DOT1L: variants seen among roughly 807,000 people sequenced by gnomAD.
DOT1L encodes the protein histone-lysine N-methyltransferase, H3 lysine-79 specific.
DOT1L carries 33 observed loss-of-function variants against 153.3 expected under a neutral mutation model. The observed-to-expected ratio is 0.22, with a 90% CI of 0.16 to 0.29. The LOEUF (loss-of-function observed/expected upper bound fraction) is 0.29, where lower values mean the gene tolerates loss of function less well. Among genes scored for constraint, DOT1L ranks in the 10% least tolerant of loss-of-function variants. The pLI is 1.00. For synonymous variants in DOT1L, 1,135 were observed against 965.1 expected (o/e 1.18, Z -3.26); for missense variants, 1,847 against 2,119.9 (o/e 0.87, Z 2.53).
chr19:2,211,221 G>A lies in DOT1L; in HGVS notation c.1465+9G>A, dbSNP rs759009372. The A allele has an allele frequency of 3.5e-5, 55 of 1,592,890 alleles. No homozygotes were observed. Among genetic ancestry groups the A allele is most frequent in the Admixed American group, 1.4e-4 (8 of 58,558 alleles). On this transcript the variant is annotated intron_variant, in intron 15 of 27. Transcript: ENST00000398665. ...GCTGCAGAAGCTTCTAGGTGAGCCCGTGTGAGGCGTCCGGCGAAGGGTTCT... is the reference window on the plus strand; with the variant it reads ...GCTGCAGAAGCTTCTAGGTGAGCCCATGTGAGGCGTCCGGCGAAGGGTTCT...
Position 2,222,007 on chromosome 19 carries a change from C to T in DOT1L, c.2838C>T (p.Ser946=), listed in dbSNP as rs774067551. ...GFSYAGSVAI[S]GALAGSPASL... ...CCTACGCTGGCTCGGTGGCCATCAG[C>T]GGGGCCTTGGCGGGCAGCCCGGCCT... The change falls in exon 24 of 28, where the codon AGC becomes AGT. Residue 946 remains serine (S), a synonymous_variant. Transcript: ENST00000398665. The surrounding 1 kb of genome is among the most constrained non-coding windows in gnomAD (Gnocchi z 6.5). 2.6e-5 allele frequency: 42 copies of T among 1,610,548 alleles called. No individual in the cohort carries two copies. Among genetic ancestry groups the T allele is most frequent in the African/African-American group, 6.7e-5 (5 of 74,890 alleles).
At chr19:2,227,371 C>T (rs1241583858) in intron 27 of DOT1L, 1 of 717,038 alleles carries the variant, frequency 1.4e-6, no homozygotes, top group Non-Finnish European at 2.6e-6. Flanking sequence ...AGAAGGCCAC[C>T]GTGCGCAGGG....
rs373400836 is a variant in DOT1L, at chr19:2,220,584, C to T, written c.2806+362C>T. 64 of 461,918 alleles carry T rather than the reference C, an allele frequency of 1.4e-4. No individual in the cohort carries two copies. In the East Asian group the frequency reaches 1.7e-3, roughly 13 times the overall value. The allele number at this position is 461,918 out of a possible 1,614,324, so 28.6% of individuals were successfully genotyped here. A position where few individuals can be genotyped will look rare whatever the true frequency, so the allele number is the denominator to read the frequency against. ...ACACACAGCAGTGCCCAATGGCACA[C>T]GACCGTGGGCCTCCGTGCTGGTAGC... is the stretch of plus-strand genomic sequence containing the variant. On this transcript the variant is annotated intron_variant, in intron 23 of 27. Coordinates refer to ENST00000398665, the MANE Select transcript of DOT1L (RefSeq NM_032482.3). This position sits in a 1 kb window ranked among gnomAD's most constrained non-coding sequence, Gnocchi z 4.5.
chr19:2,193,639 G>A lies in DOT1L; in HGVS notation c.494-50G>A, dbSNP rs750922949. ...GTCTCCGAGCCTAGCACGGCCTCCC[G>A]GGTGGCATCTGAGCGCTGTGTGGTA... On this transcript the variant is annotated intron_variant, in intron 5 of 27. Coordinates refer to ENST00000398665, the MANE Select transcript of DOT1L (RefSeq NM_032482.3). This position sits in a 1 kb window ranked among gnomAD's most constrained non-coding sequence, Gnocchi z 5.9. The A allele has an allele frequency of 3.8e-6, 6 of 1,582,610 alleles. No individual in the cohort carries two copies. The highest frequency in any genetic ancestry group is 1.1e-5 in the South Asian group (1 of 89,912).
At chr19:2,214,731 C>T in intron 19 of DOT1L, 135 bp downstream of exon 19, 2 of 1,320,840 alleles carry the variant, frequency 1.5e-6, no homozygotes. Flanking sequence ...TGGGTGGAGG[C>T]TTATGGAACC....
intron 22 of DOT1L, among the ~76,000 whole-genome samples, chr19:2,218,916 G>A (rs914415304): frequency 5.3e-5 from 8 of 151,876 alleles, no homozygotes; most frequent in African/African-American, 1.7e-4. Context: ...CAGGCTGGAG[G>A]GCAGTGGCAC....
At position 2,210,741 on chromosome 19, in the gene DOT1L, C is replaced by T. The variant is rs2144832287; in HGVS notation, c.1237C>T (p.Arg413Cys). The T allele has an allele frequency of 1.2e-6, 2 of 1,613,114 alleles. No individual in the cohort carries two copies. Among genetic ancestry groups the T allele is most frequent in the Non-Finnish European group, 1.7e-6 (2 of 1,180,002 alleles). ...GRKMAGRKRG[R>C]PKKMNTANPE... Reference sequence around the variant, plus strand: ...GAAGATGGCTGGCCGCAAGCGCGGGCGCCCCAAGAAGATGAACACTGCGAA... The same window carrying T: ...GAAGATGGCTGGCCGCAAGCGCGGGTGCCCCAAGAAGATGAACACTGCGAA... Residue 413 changes from arginine (R) to cysteine (C), a missense_variant, in exon 14 of 28, where the codon CGC becomes TGC. Arg to Cys is a radical substitution (Grantham distance 180). This residue lies in a region of DOT1L where 205 missense variants were observed against 203.1 expected (regional missense o/e 1.01). Transcript: ENST00000398665.
At chr19:2,221,937 A>G (rs753103600) in intron 23 of DOT1L, 39 bp from the exon 24 acceptor site, 1 of 1,544,606 alleles carries the variant, frequency 6.5e-7, no homozygotes, top group African/African-American at 1.4e-5. Context: ...CTCTTTGGCC[A>G]TCCTGTGTCC....
At chr19:2,180,481 C>T (rs942683968) in intron 1 of DOT1L, among the ~76,000 whole-genome samples, 3 of 152,240 alleles carry the variant, frequency 2.0e-5, no homozygotes, top group East Asian at 1.9e-4. Context: ...TGCTCGCTGC[C>T]TGTAGTAGGA....
intron 7 of DOT1L, among the ~76,000 whole-genome samples, chr19:2,199,204 G>A (rs908565670): frequency 6.6e-6 from 1 of 152,260 alleles, no homozygotes; most frequent in Non-Finnish European, 1.5e-5. Flanking sequence ...GAGGTGGACT[G>A]GCGTCGGGCT....
Position 2,192,965 on chromosome 19 carries a change from G to A in DOT1L, c.494-724G>A, listed in dbSNP as rs189288605. ...CTTCTCTTCCCACTGGTGTGGTGGC[G>A]GCGGTCTGTGCCCATTGTGGTCGCT... On this transcript the variant is annotated intron_variant, in intron 5 of 27. Coordinates refer to ENST00000398665, the MANE Select transcript of DOT1L (RefSeq NM_032482.3). Among the ~76,000 whole-genome samples, 18 of 152,328 alleles carry A rather than the reference G, an allele frequency of 1.2e-4. No individual in the cohort carries two copies. The East Asian group carries it at 2.7e-3, about 23-fold the overall frequency.
rs1022387534 is a variant in DOT1L at position 2,232,575 on chromosome 19, C to T, written c.*2783C>T. On this transcript the variant is annotated 3_prime_UTR_variant, in exon 28 of 28. Coordinates refer to ENST00000398665, the MANE Select transcript of DOT1L (RefSeq NM_032482.3). Reference sequence around the variant, plus strand: ...CTGTAATAAACAGACTGTTTTCACTCGGACCTGGTGTGAATGGCAGCCTTT... The same window carrying T: ...CTGTAATAAACAGACTGTTTTCACTTGGACCTGGTGTGAATGGCAGCCTTT... The T allele has an allele frequency of 1.2e-4, 24 of 202,220 alleles. No homozygotes were observed. In the East Asian group the frequency reaches 1.4e-3, roughly 11 times the overall value. 12.5% of individuals were successfully genotyped at this position (202,220 alleles called of 1,614,324 possible).
chr19:2,177,335 C>T (rs755867415), intron 1 of DOT1L, among the ~76,000 whole-genome samples: 15 of 151,936 alleles, frequency 9.9e-5, no homozygotes, highest in Non-Finnish European at 1.6e-4. Context: ...TTGCTCTTGT[C>T]GCCCAGGCTG....
At chr19:2,223,204 C>T in intron 24 of DOT1L, 77 bp from the exon 25 acceptor site, 7 of 1,537,852 alleles carry the variant, frequency 4.6e-6, no homozygotes, top group Non-Finnish European at 6.2e-6. Flanking sequence ...ACAGGAGCCT[C>T]CTGGGGCGGG....
Position 2,220,292 on chromosome 19 carries a change from G to T in DOT1L, c.2806+70G>T, listed in dbSNP as rs1330295234. ...GCTGCTCTTCAGGCAGGAGGGCTGG[G>T]TTGCTGGGAGTGGAACAGGGCTTCC... On this transcript the variant is annotated intron_variant, in intron 23 of 27. Transcript: ENST00000398665. This position sits in a 1 kb window ranked among gnomAD's most constrained non-coding sequence, Gnocchi z 4.5. 1 of 1,471,064 alleles carries T rather than the reference G, an allele frequency of 6.8e-7. No homozygotes were observed. Among genetic ancestry groups the T allele is most frequent in the Admixed American group, 1.9e-5 (1 of 51,984 alleles). 91.1% of individuals were successfully genotyped at this position (1,471,064 alleles called of 1,614,324 possible). A position where few individuals can be genotyped will look rare whatever the true frequency, so the allele number is the denominator to read the frequency against.
chr19:2,214,099 T>C, intron 18 of DOT1L, 113 bp downstream of exon 18: 2 of 1,463,138 alleles, frequency 1.4e-6, no homozygotes, highest in Non-Finnish European at 1.8e-6. Context: ...TTGTGGGGTT[T>C]GTTCCCAGAC....
intron 3 of DOT1L, among the ~76,000 whole-genome samples, chr19:2,187,791 G>A (rs542139603): frequency 2.4e-4 from 36 of 152,110 alleles, no homozygotes; most frequent in Non-Finnish European, 3.8e-4. Flanking sequence ...GCGTGGTGGC[G>A]GGTGCCTGTA....
intron 1 of DOT1L, among the ~76,000 whole-genome samples, chr19:2,169,563 G>C (rs1275738199): frequency 2.6e-5 from 4 of 151,872 alleles, no homozygotes; most frequent in African/African-American, 9.7e-5. Context: ...GCCCAATCTC[G>C]GCTCACTGCA....
At chr19:2,195,629 T>C (rs1568344370) in intron 7 of DOT1L, among the ~76,000 whole-genome samples, 1 of 152,044 alleles carries the variant, frequency 6.6e-6, no homozygotes, top group Non-Finnish European at 1.5e-5. Context: ...CCGCAGCCCC[T>C]TGAGTCCTGA....
Sources: gnomAD v4.1 joint callset for allele counts (sites outside exome capture counted in the v4.1 genomes callset) on GRCh38, gnomAD v4.1.1 for gene constraint, gnomAD v4.1.1 regional missense constraint, Gnocchi (gnomAD v3.1) non-coding constraint, MANE v1.5 for transcripts, NCBI Gene and HGNC (gene_info 2026-07-23, HGNC 2026-07-21) for gene names.